Variants in TNFRSF13B observed in about 807,000 individuals in gnomAD.
TNFRSF13B encodes the protein tumor necrosis factor receptor superfamily member 13B.
In TNFRSF13B, 34 loss-of-function variants were observed where a neutral mutation model predicts 24.0. The ratio of observed to expected loss-of-function variants is 1.41; its 90% confidence interval spans 1.08 to 1.88. The LOEUF is 1.88. Ranked by LOEUF, TNFRSF13B falls within the 40% of genes most tolerant of loss-of-function variation. TNFRSF13B has a pLI of 0.00. For synonymous variants in TNFRSF13B, 173 were observed against 150.3 expected, an observed-to-expected ratio of 1.15 and a Z score of -1.10; for missense variants, 415 against 380.8, an observed-to-expected ratio of 1.09 and a Z score of -0.75.
chr17:16,961,929 A>G (rs2087665114), intron 1 of TNFRSF13B, among the ~76,000 whole-genome samples: 1 of 152,176 alleles, frequency 6.6e-6, no homozygotes, highest in Non-Finnish European at 1.5e-5. Context: ...GGAGTGGCCA[A>G]AAAAACCACG....
intron 3 of TNFRSF13B, among the ~76,000 whole-genome samples, chr17:16,943,825 C>G (rs544866278): frequency 7.2e-5 from 11 of 152,344 alleles, no homozygotes; most frequent in African/African-American, 2.6e-4. Flanking sequence ...ATGAGCAGCC[C>G]CACCCAGTAG....
chr17:16,946,441 T>A (rs2143652173), intron 3 of TNFRSF13B, among the ~76,000 whole-genome samples: 1 of 152,282 alleles, frequency 6.6e-6, no homozygotes, highest in African/African-American at 2.4e-5. Context: ...ATAGGGTTAA[T>A]TAGATCATTT....
intron 1 of TNFRSF13B, among the ~76,000 whole-genome samples, chr17:16,964,336 C>G (rs994295399): frequency 1.6e-5 from 2 of 125,172 alleles, no homozygotes; most frequent in African/African-American, 5.9e-5. Context: ...CATCTCCATG[C>G]CTTTTTTTTT....
intron 1 of TNFRSF13B, among the ~76,000 whole-genome samples, chr17:16,955,854 T>C (rs1481432977): frequency 6.6e-6 from 1 of 152,256 alleles, no homozygotes; most frequent in Non-Finnish European, 1.5e-5. Context: ...AATTTCAGCC[T>C]ATCACATGGT....
chr17:16,966,847 T>TTTTTTTTTA, intron 1 of TNFRSF13B, among the ~76,000 whole-genome samples: 1 of 142,690 alleles, frequency 7.0e-6, no homozygotes, highest in African/African-American at 2.6e-5. Context: ...TTCTTTTTTT[T>TTTTTTTTTA]TTTTTTTTTG....
At chr17:16,947,737 T>C (rs1375120204) in intron 3 of TNFRSF13B, among the ~76,000 whole-genome samples, 1 of 152,242 alleles carries the variant, frequency 6.6e-6, no homozygotes, top group African/African-American at 2.4e-5. Context: ...GGAACGCTTA[T>C]ACGCTGTTGG....
chr17:16,939,468 T>C lies in TNFRSF13B; in HGVS notation c.*79A>G, dbSNP rs1183784784. 3.0e-5 allele frequency: 44 copies of C among 1,482,438 alleles called. No homozygotes were observed. The highest frequency in any genetic ancestry group is 3.7e-5 in the Non-Finnish European group (41 of 1,098,138). The allele number at this position is 1,482,438 out of a possible 1,614,324, so 91.8% of individuals were successfully genotyped here. A position where few individuals can be genotyped will look rare whatever the true frequency, so the allele number is the denominator to read the frequency against. On this transcript the variant is annotated 3_prime_UTR_variant, in exon 5 of 5. Transcript: ENST00000261652. ...CTCTGTCTCTCTCTCCTCATATCTC[T>C]CTCCCCTCTCCCCACCTCTCTTTCT... is the stretch of plus-strand genomic sequence containing the variant.
chr17:16,951,876 G>A (rs968741613), intron 2 of TNFRSF13B, among the ~76,000 whole-genome samples: 6 of 150,888 alleles, frequency 4.0e-5, no homozygotes, highest in Non-Finnish European at 8.8e-5. Flanking sequence ...CAACAAGAGC[G>A]AAACTTCATC....
At chr17:16,940,897 C>T in intron 3 of TNFRSF13B, 1 of 1,137,308 alleles carries the variant, frequency 8.8e-7, no homozygotes. Flanking sequence ...AGAAAGCTTC[C>T]TGAGTGAGCG....
At chr17:16,956,492 C>T (rs2087625658) in intron 1 of TNFRSF13B, among the ~76,000 whole-genome samples, 1 of 152,132 alleles carries the variant, frequency 6.6e-6, no homozygotes, top group Admixed American at 6.5e-5. Context: ...TAGGCATGTT[C>T]AATGAGCTTA....
rs753296393 is a variant in TNFRSF13B, at chr17:16,939,644, T to A, written c.785A>T (p.His262Leu). Reference protein sequence around the residue: ...DPTCAGRWGCHTRTTVLQPCP... With the variant: ...DPTCAGRWGCLTRTTVLQPCP... ...AGGCTGCAGGACTGTGGTCCTGGTG[T>A]GGCACCCCCACCTTCCAGCACAAGT... Residue 262 changes from histidine to leucine, a missense_variant, in exon 5 of 5, where the codon CAC (histidine) becomes CTC (leucine). His to Leu is a moderately conservative substitution (Grantham distance 99). Transcript: ENST00000261652. 12 of 1,612,674 alleles carry A rather than the reference T, an allele frequency of 7.4e-6. No individual in the cohort carries two copies. The Admixed American group carries it at 1.3e-4, about 18-fold the overall frequency.
In TNFRSF13B at chr17:16,970,427, A is replaced by G. The variant is rs540235029; in HGVS notation, c.61+1588T>C. 5.3e-5 allele frequency among the ~76,000 whole-genome samples: 8 copies of G among 152,248 alleles called. No individual in the cohort carries two copies. In the East Asian group the frequency reaches 1.5e-3, roughly 29 times the overall value. ...GCCTCCTCACGGGCTTGGCCGGTTAACAGGTGCTGCACCAAGAAAGAGCTC... is the reference window on the plus strand; with the variant it reads ...GCCTCCTCACGGGCTTGGCCGGTTAGCAGGTGCTGCACCAAGAAAGAGCTC... On this transcript the variant is annotated intron_variant, in intron 1 of 4. Transcript: ENST00000261652.
chr17:16,941,457 G>A (rs1004688410), intron 3 of TNFRSF13B: 5 of 987,490 alleles, frequency 5.1e-6, no homozygotes, highest in African/African-American at 3.5e-5. Flanking sequence ...CTTGTCCCTG[G>A]AGCTGGGCAT....
chr17:16,941,743 C>A (rs2143644610), intron 3 of TNFRSF13B, among the ~76,000 whole-genome samples: 1 of 152,240 alleles, frequency 6.6e-6, no homozygotes, highest in South Asian at 2.1e-4. Flanking sequence ...AAACAGAAAC[C>A]CTGTCTCATC....
intron 1 of TNFRSF13B, among the ~76,000 whole-genome samples, chr17:16,964,377 T>C (rs927300240): frequency 2.7e-5 from 4 of 148,218 alleles, no homozygotes; most frequent in African/African-American, 1.0e-4. Context: ...AGTTTCACTC[T>C]TGTTCCCCAG....
chr17:16,972,067 G>T lies in TNFRSF13B; in HGVS notation c.9C>A (p.Gly3=). The T allele has an allele frequency of 6.2e-7, 1 of 1,613,948 alleles. No homozygotes were observed. The highest frequency in any genetic ancestry group is 8.5e-7 in the Non-Finnish European group (1 of 1,180,020). The change falls in exon 1 of 5, where the codon GGC becomes GGA. Residue 3 remains glycine (G), a synonymous_variant. Transcript: ENST00000261652. Reference sequence around the variant, plus strand: ...GGCCACCTCGCCTGCTCCGGCCCAGGCCACTCATTACTCAGGATGCTTATT... The same window carrying T: ...GGCCACCTCGCCTGCTCCGGCCCAGTCCACTCATTACTCAGGATGCTTATT... MS[G]LGRSRRGGRS...
intron 3 of TNFRSF13B, among the ~76,000 whole-genome samples, chr17:16,945,166 T>G (rs919345366): frequency 1.3e-5 from 2 of 152,198 alleles, no homozygotes; most frequent in Non-Finnish European, 2.9e-5. Flanking sequence ...GCAGCTGATG[T>G]AGGGTGAGGC....
rs77283731 is a variant in TNFRSF13B at position 16,970,932 on chromosome 17, G to A, written c.61+1083C>T. Among the ~76,000 whole-genome samples, 414 of 152,336 alleles carry A rather than the reference G, an allele frequency of 2.7e-3. 1 individual carries two copies. Among genetic ancestry groups the A allele is most frequent in the African/African-American group, 9.6e-3 (398 of 41,574 alleles). ...AATTTGCTCCCTGCCTGAGGTGTGG[G>A]ACAGAGCAGCAGGCAGAGGCTGTGA... On this transcript the variant is annotated intron_variant, in intron 1 of 4. Coordinates refer to ENST00000261652, the MANE Select transcript of TNFRSF13B (RefSeq NM_012452.3).
At position 16,940,459 on chromosome 17, in the gene TNFRSF13B, C is replaced by T. The variant is rs1409056309; in HGVS notation, c.498G>A (p.Thr166=). 6 of 1,613,720 alleles carry T rather than the reference C, an allele frequency of 3.7e-6. No homozygotes were observed. Among genetic ancestry groups the T allele is most frequent in the African/African-American group, 1.3e-5 (1 of 74,914 alleles). Residue 166 remains threonine, a synonymous_variant, in exon 4 of 5, where the codon ACG becomes ACA. Coordinates refer to ENST00000261652, the MANE Select transcript of TNFRSF13B (RefSeq NM_012452.3). ...SADQVALVYS[T]LGLCLCAVLC... ...GGACGGCACACAGGCAGAGCCCCAGCGTGCTGTAGACCAGGGCCACCTGAT... is the reference window on the plus strand; with the variant it reads ...GGACGGCACACAGGCAGAGCCCCAGTGTGCTGTAGACCAGGGCCACCTGAT...
Sources: gnomAD v4.1 joint callset for allele counts (sites outside exome capture counted in the v4.1 genomes callset) on GRCh38, gnomAD v4.1.1 for gene constraint, MANE v1.5 for transcripts, NCBI Gene and HGNC (gene_info 2026-07-23, HGNC 2026-07-21) for gene names.